Variants in SPESP1 observed in about 807,000 individuals in gnomAD.
The protein encoded by SPESP1 is equatorial segment protein.
Under a neutral mutation model 3.1 loss-of-function variants are expected in SPESP1, and 1 was observed. The ratio of observed to expected loss-of-function variants is 0.33; its 90% CI spans 0.12 to 1.54. The LOEUF (loss-of-function observed/expected upper bound fraction) is 1.54, where lower values mean the gene tolerates loss of function less well. Ranked by LOEUF, SPESP1 falls within the 40% of genes most tolerant of loss-of-function variation. The probability of loss-of-function intolerance (pLI) is 0.38; values close to 1 mark genes in which losing one functional copy is unlikely to be tolerated. For synonymous variants in SPESP1, 138 were observed against 150.7 expected (o/e 0.92, Z 0.62); for missense variants, 398 against 410.1 (o/e 0.97, Z 0.26).
rs1416913604 is a variant in SPESP1 at position 68,946,032 on chromosome 15, T to C, written c.498T>C (p.Thr166=). 17 of 1,614,056 alleles carry C rather than the reference T, an allele frequency of 1.1e-5. No homozygotes were observed. Among genetic ancestry groups the C allele is most frequent in the Non-Finnish European group, 1.4e-5 (17 of 1,180,030 alleles). ...TEAPRMLPVV[T]ESSTSPYVTS... ...CACCAAGAATGTTGCCAGTTGTTACTGAATCATCTACAAGTCCATATGTTA... is the reference window on the plus strand; with the variant it reads ...CACCAAGAATGTTGCCAGTTGTTACCGAATCATCTACAAGTCCATATGTTA... The change falls in exon 2 of 2, where the codon ACT becomes ACC. Residue 166 remains threonine (T), a synonymous_variant. Coordinates refer to ENST00000310673, the MANE Select transcript of SPESP1 (RefSeq NM_145658.4).
At chr15:68,939,695 T>G (rs1895769163) in intron 1 of SPESP1, 1 of 152,216 alleles carries the variant, frequency 6.6e-6, no homozygotes, top group Non-Finnish European at 1.5e-5. Context: ...TAGGAGGTAG[T>G]GCACTCTGTT....
intron 1 of SPESP1, among the ~76,000 whole-genome samples, chr15:68,940,578 G>T (rs1221938033): frequency 6.6e-6 from 1 of 151,922 alleles, no homozygotes; most frequent in Non-Finnish European, 1.5e-5. Flanking sequence ...CTCCATCTCT[G>T]TTTTTTCCCT....
At chr15:68,937,465 G>T (rs941568717) in intron 1 of SPESP1, among the ~76,000 whole-genome samples, 2 of 152,238 alleles carry the variant, frequency 1.3e-5, no homozygotes, top group African/African-American at 2.4e-5. Context: ...ATCAAAAGGG[G>T]AGTAAGGATG....
chr15:68,945,593 C>G lies in SPESP1; in HGVS notation c.65-6C>G. The G allele has an allele frequency of 6.6e-7, 1 of 1,525,534 alleles. No homozygotes were observed. The highest frequency in any genetic ancestry group is 8.7e-7 in the Non-Finnish European group (1 of 1,143,354). The allele number at this position is 1,525,534 out of a possible 1,614,324, so 94.5% of individuals were successfully genotyped here. ...ACTTATTATTTATTTGATTTTTTCC[C>G]TGAAGGCATAACTGTGACACCTGAT... On this transcript the variant is annotated splice_region_variant and splice_polypyrimidine_tract_variant and intron_variant, in intron 1 of 1. Coordinates refer to ENST00000310673, the MANE Select transcript of SPESP1 (RefSeq NM_145658.4).
rs188157080 is a variant in SPESP1 at position 68,934,843 on chromosome 15, C to T, written c.64+4126C>T. Among the ~76,000 whole-genome samples, 271 of 151,688 alleles carry T rather than the reference C, an allele frequency of 1.8e-3. 1 individual carries two copies. The highest frequency in any genetic ancestry group is 6.1e-3 in the African/African-American group (253 of 41,352). ...TATTTAACCTAAGTATAGTTTTTTC[C>T]GAGCCTCAAATATTCATACCTTGAC... On this transcript the variant is annotated intron_variant, in intron 1 of 1. Transcript: ENST00000310673.
chr15:68,939,275 T>C (rs749672533), intron 1 of SPESP1, among the ~76,000 whole-genome samples: 7 of 152,180 alleles, frequency 4.6e-5, no homozygotes, highest in Admixed American at 6.5e-5. Flanking sequence ...CACTTACTGG[T>C]AAAAATAGAT....
rs1157449196 is a variant in SPESP1 at position 68,946,569 on chromosome 15, C to T, written c.1035C>T (p.Ala345=). The T allele has an allele frequency of 1.4e-6, 2 of 1,461,946 alleles. No homozygotes were observed. Among genetic ancestry groups the T allele is most frequent in the Non-Finnish European group, 9.0e-7 (1 of 1,113,718 alleles). The allele number at this position is 1,461,946 out of a possible 1,614,324, so 90.6% of individuals were successfully genotyped here. The change falls in exon 2 of 2, where the codon GCC becomes GCT. Residue 345 remains alanine (A), a synonymous_variant. Transcript: ENST00000310673. Reference sequence around the variant, plus strand: ...TGTGTAGATCAAGGAGAGTCACAGCCTTATTAAAAGTTTATTAAACAATAA... The same window carrying T: ...TGTGTAGATCAAGGAGAGTCACAGCTTTATTAAAAGTTTATTAAACAATAA... ...KNMCRSRRVT[A]LLKVY is the part of the protein sequence containing the mutation.
chr15:68,936,803 A>G (rs1281645393), intron 1 of SPESP1, among the ~76,000 whole-genome samples: 1 of 152,206 alleles, frequency 6.6e-6, no homozygotes, highest in African/African-American at 2.4e-5. Flanking sequence ...TTAGTAGAAC[A>G]TAAGTTTATG....
At chr15:68,933,015 CATT>C (rs80185903) in intron 1 of SPESP1, among the ~76,000 whole-genome samples, 9,958 of 152,162 alleles carry the variant, frequency 0.065, 380 homozygotes, top group East Asian at 0.18. Flanking sequence ...ATGCGTATAT[CATT>C]GAGCTTGATG....
At chr15:68,934,260 G>T (rs1344000445) in intron 1 of SPESP1, among the ~76,000 whole-genome samples, 1 of 152,134 alleles carries the variant, frequency 6.6e-6, no homozygotes, top group South Asian at 2.1e-4. Context: ...CTGTCATTGT[G>T]TTTAGGAAGG....
Position 68,946,288 on chromosome 15 carries a change from G to A in SPESP1, c.754G>A (p.Glu252Lys), listed in dbSNP as rs780766048. The A allele has an allele frequency of 3.4e-5, 55 of 1,613,976 alleles. 1 individual carries two copies. In the Admixed American group the frequency reaches 8.3e-4, roughly 24 times the overall value. ...TGACACCAGCAACCCAGCATATAGA[G>A]AAGATATTGAAGCCTCTAAAGATCA... is the stretch of plus-strand genomic sequence containing the variant. ...LSDTSNPAYR[E>K]DIEASKDHLK... The change falls in exon 2 of 2, where the codon GAA (glutamate) becomes AAA (lysine). Residue 252 changes from glutamate (E) to lysine (K), a missense_variant. Transcript: ENST00000310673.
chr15:68,938,359 T>C (rs765071088), intron 1 of SPESP1, among the ~76,000 whole-genome samples: 2 of 152,236 alleles, frequency 1.3e-5, no homozygotes, highest in Non-Finnish European at 2.9e-5. Flanking sequence ...CTTTTATTTC[T>C]GTGTGAACGG....
intron 1 of SPESP1, among the ~76,000 whole-genome samples, chr15:68,940,925 A>C (rs540764856): frequency 2.0e-5 from 3 of 152,060 alleles, no homozygotes; most frequent in Non-Finnish European, 4.4e-5. Context: ...TAGCTGAAAT[A>C]GTTTACAGAT....
At chr15:68,943,459 T>C (rs946197379) in intron 1 of SPESP1, among the ~76,000 whole-genome samples, 10 of 152,178 alleles carry the variant, frequency 6.6e-5, no homozygotes, top group Non-Finnish European at 1.5e-4. Flanking sequence ...CTAACCACAT[T>C]GGCTCACTAA....
intron 1 of SPESP1, among the ~76,000 whole-genome samples, chr15:68,936,540 G>C (rs1895686440): frequency 6.6e-6 from 1 of 152,140 alleles, no homozygotes; most frequent in South Asian, 2.1e-4. Flanking sequence ...GTAGATTAGT[G>C]GTTGTCCAGG....
chr15:68,937,105 A>G (rs138663657), intron 1 of SPESP1, among the ~76,000 whole-genome samples: 1 of 152,272 alleles, frequency 6.6e-6, no homozygotes, highest in East Asian at 1.9e-4. Flanking sequence ...TAACAGATTT[A>G]TTTTTAAACA....
intron 1 of SPESP1, among the ~76,000 whole-genome samples, chr15:68,941,893 G>A (rs1032990967): frequency 6.6e-6 from 1 of 152,134 alleles, no homozygotes. Context: ...GAAAGATCAT[G>A]GCTCACTGCA....
Position 68,946,658 on chromosome 15 carries a change from T to C in SPESP1, c.*71T>C. 1 of 1,318,892 alleles carries C rather than the reference T, an allele frequency of 7.6e-7. No homozygotes were observed. 81.7% of individuals were successfully genotyped at this position (1,318,892 alleles called of 1,614,324 possible). ...GCTGATTTAAGCAAACTGCATTTTTTCACAGGAGAAATAATCATATTCGTA... is the reference window on the plus strand; with the variant it reads ...GCTGATTTAAGCAAACTGCATTTTTCCACAGGAGAAATAATCATATTCGTA... On this transcript the variant is annotated 3_prime_UTR_variant, in exon 2 of 2. Transcript: ENST00000310673.
At chr15:68,932,189 C>T (rs1895561073) in intron 1 of SPESP1, among the ~76,000 whole-genome samples, 1 of 152,094 alleles carries the variant, frequency 6.6e-6, no homozygotes. Context: ...ATTACTAACA[C>T]CAGTTATTGC....
Sources: gnomAD v4.1 joint callset for allele counts (sites outside exome capture counted in the v4.1 genomes callset) on GRCh38, gnomAD v4.1.1 for gene constraint, MANE v1.5 for transcripts, NCBI Gene and HGNC (gene_info 2026-07-23, HGNC 2026-07-21) for gene names.